Variants in OPCML observed in about 807,000 individuals in gnomAD.
OPCML encodes opioid binding protein/cell adhesion molecule like, also known as opioid-binding protein/cell adhesion molecule.
A neutral mutation model predicts 37.8 loss-of-function variants in OPCML; 13 were observed. That is an observed-to-expected ratio of 0.34 (90% CI 0.22 to 0.55). The LOEUF (loss-of-function observed/expected upper bound fraction) is 0.55, where lower values mean the gene tolerates loss of function less well. Among genes scored for constraint, OPCML ranks in the 20% least tolerant of loss-of-function variants. The pLI, the probability that OPCML is intolerant of heterozygous loss-of-function variation, is 0.91. For synonymous variants in OPCML, 176 were observed against 168.8 expected (o/e 1.04, Z -0.33); for missense variants, 341 against 435.6 (o/e 0.78, Z 1.93).
chr11:132,572,721 T>A lies in OPCML; in HGVS notation c.380-43535A>T, dbSNP rs144532536. Among the ~76,000 whole-genome samples, 383 of 152,236 alleles carry A rather than the reference T, an allele frequency of 2.5e-3. 3 individuals carry two copies. The highest frequency in any genetic ancestry group is 0.021 in the East Asian group (107 of 5,176). On this transcript the variant is annotated intron_variant, in intron 3 of 7. Coordinates refer to ENST00000524381, the MANE Select transcript of OPCML (RefSeq NM_001012393.5). ...TTTATTCTTTCTCAGGATTGATTGG[T>A]CTATTCCTAGTATTTTGTAGTTCTA...
At chr11:132,711,105 C>A (rs1477663628) in intron 2 of OPCML, among the ~76,000 whole-genome samples, 1 of 152,086 alleles carries the variant, frequency 6.6e-6, no homozygotes, top group Non-Finnish European at 1.5e-5. Context: ...ACAGCGAAAG[C>A]CCCAAATGCC....
At chr11:133,281,128 G>A (rs563973357) in intron 1 of OPCML, among the ~76,000 whole-genome samples, 1 of 152,304 alleles carries the variant, frequency 6.6e-6, no homozygotes, top group South Asian at 2.1e-4. Flanking sequence ...CACTTTGGAA[G>A]CTTGGAAAGG....
chr11:133,507,304 T>C (rs1948055670), intron 1 of OPCML, among the ~76,000 whole-genome samples: 1 of 152,148 alleles, frequency 6.6e-6, no homozygotes, highest in Non-Finnish European at 1.5e-5. Flanking sequence ...AGTGCTGAAA[T>C]GGGTGCAGCC....
chr11:132,986,169 C>T (rs1174313410), intron 1 of OPCML, among the ~76,000 whole-genome samples: 2 of 152,156 alleles, frequency 1.3e-5, no homozygotes, highest in African/African-American at 4.8e-5. Context: ...CTCCAGTCTT[C>T]CCATAGCTTT....
intron 3 of OPCML, among the ~76,000 whole-genome samples, chr11:132,574,271 G>GCTCTAATCTT (rs2096445227): frequency 8.0e-6 from 1 of 124,792 alleles, no homozygotes; most frequent in Admixed American, 7.6e-5. Flanking sequence ...TTTTTTGTTT[G>GCTCTAATCTT]TTTGTTTGTT....
chr11:133,060,566 G>A (rs1019892981), intron 1 of OPCML, among the ~76,000 whole-genome samples: 1 of 152,230 alleles, frequency 6.6e-6, no homozygotes, highest in African/African-American at 2.4e-5. Context: ...AGGGTGTGGA[G>A]GGGAGGGGCA....
At chr11:132,642,856 C>T (rs1189110432) in intron 3 of OPCML, among the ~76,000 whole-genome samples, 2 of 152,188 alleles carry the variant, frequency 1.3e-5, no homozygotes, top group African/African-American at 4.8e-5. Flanking sequence ...AGAAGCAGCT[C>T]AGTAATTGAG....
chr11:133,245,152 T>A (rs1940875268), intron 1 of OPCML, among the ~76,000 whole-genome samples: 1 of 152,208 alleles, frequency 6.6e-6, no homozygotes, highest in African/African-American at 2.4e-5. Context: ...CCTCCTCTAG[T>A]TCTTTGGGGT....
At chr11:133,525,506 T>G (rs1948472002) in intron 1 of OPCML, among the ~76,000 whole-genome samples, 2 of 152,132 alleles carry the variant, frequency 1.3e-5, no homozygotes, top group South Asian at 4.1e-4. Flanking sequence ...CAACCGGAAG[T>G]CTACATAGGG....
At chr11:132,534,485 C>A (rs555003324) in intron 3 of OPCML, among the ~76,000 whole-genome samples, 1 of 152,124 alleles carries the variant, frequency 6.6e-6, no homozygotes, top group Non-Finnish European at 1.5e-5. Context: ...CGATTGTGTA[C>A]TTGTGAGAGA....
At chr11:132,973,723 G>C (rs1368277000) in intron 1 of OPCML, among the ~76,000 whole-genome samples, 4 of 152,082 alleles carry the variant, frequency 2.6e-5, no homozygotes, top group Non-Finnish European at 5.9e-5. Context: ...GCTAATCTTT[G>C]GTCACTTCAT....
At chr11:133,037,523 C>A (rs977520294) in intron 1 of OPCML, among the ~76,000 whole-genome samples, 1 of 152,142 alleles carries the variant, frequency 6.6e-6, no homozygotes, top group African/African-American at 2.4e-5. Context: ...TTACTCGGAG[C>A]TAGACTGGAG....
At chr11:132,439,753 T>C (rs1365502054) in intron 4 of OPCML, among the ~76,000 whole-genome samples, 1 of 152,042 alleles carries the variant, frequency 6.6e-6, no homozygotes, top group Non-Finnish European at 1.5e-5. Flanking sequence ...AGCCTGGATT[T>C]CTACTACGAT....
At chr11:132,932,371 G>A (rs1945235397) in intron 2 of OPCML, among the ~76,000 whole-genome samples, 1 of 152,266 alleles carries the variant, frequency 6.6e-6, no homozygotes, top group Non-Finnish European at 1.5e-5. Context: ...TAACAAAAAT[G>A]TTTTGTACCT....
rs145671617 is a variant in OPCML, at chr11:132,674,000, C to T, written c.147-16681G>A. 5.0e-3 allele frequency among the ~76,000 whole-genome samples: 760 copies of T among 152,224 alleles called. 4 individuals carry two copies. Among genetic ancestry groups the T allele is most frequent in the African/African-American group, 0.017 (719 of 41,526 alleles). ...TCTACCTTTTTCCAATTGACCAGTA[C>T]TATGAAAATGTATATTGAAAGCATA... On this transcript the variant is annotated intron_variant, in intron 2 of 7. Coordinates refer to ENST00000524381, the MANE Select transcript of OPCML (RefSeq NM_001012393.5).
intron 2 of OPCML, among the ~76,000 whole-genome samples, chr11:132,911,487 T>G (rs553953552): frequency 6.6e-6 from 1 of 152,232 alleles, no homozygotes; most frequent in African/African-American, 2.4e-5. Context: ...GAGGAGAGTT[T>G]GCCTGATTGT....
At chr11:132,555,239 A>G (rs2096392483) in intron 3 of OPCML, among the ~76,000 whole-genome samples, 1 of 152,160 alleles carries the variant, frequency 6.6e-6, no homozygotes, top group African/African-American at 2.4e-5. Context: ...TGGGTGATTT[A>G]TAAAGAAAAA....
intron 1 of OPCML, among the ~76,000 whole-genome samples, chr11:133,426,262 C>T (rs1946000155): frequency 6.6e-6 from 1 of 152,130 alleles, no homozygotes. Flanking sequence ...TGAATATACC[C>T]ATCTTTTTGG....
At chr11:132,743,989 T>C (rs192482052) in intron 2 of OPCML, among the ~76,000 whole-genome samples, 70 of 152,364 alleles carry the variant, frequency 4.6e-4, no homozygotes, top group Admixed American at 1.0e-3. Flanking sequence ...ATGCTTTGTG[T>C]CATGCGTACC....
Sources: gnomAD v4.1 joint callset for allele counts (sites outside exome capture counted in the v4.1 genomes callset) on GRCh38, gnomAD v4.1.1 for gene constraint, MANE v1.5 for transcripts, NCBI Gene and HGNC (gene_info 2026-07-23, HGNC 2026-07-21) for gene names.